The following MYO1F variants were observed in gnomAD, a reference collection of about 807,000 sequenced individuals.
The protein encoded by MYO1F is myosin IF, also known as unconventional myosin-If.
In MYO1F, 60 loss-of-function variants were observed where a neutral mutation model predicts 146.6. The ratio of observed to expected loss-of-function variants is 0.41; its 90% confidence interval spans 0.33 to 0.51. The LOEUF (loss-of-function observed/expected upper bound fraction) is 0.51, where lower values mean the gene tolerates loss of function less well. Among genes scored for constraint, MYO1F ranks in the 20% least tolerant of loss-of-function variants. The pLI, the probability that MYO1F is intolerant of heterozygous loss-of-function variation, is 0.25. For missense variants in MYO1F, 1,274 were observed against 1,534.3 expected, an observed-to-expected ratio of 0.83 and a Z score of 2.83; for synonymous variants, 602 against 602.1, an observed-to-expected ratio of 1.00 and a Z score of 0.00.
rs752338663 is a variant in MYO1F at position 8,536,975 on chromosome 19, C to T, written c.1773G>A (p.Lys591=). The change falls in exon 17 of 28, where the codon AAG becomes AAA. Residue 591 remains lysine, a synonymous_variant. Transcript: ENST00000644032. ...TGTTCTCCTCCCAGTCTCGGGGCCT[C>T]TTGGTCTCGTTGGGTTTGATGCAGC... ...YIRCIKPNET[K]RPRDWEENRV... is the part of the protein sequence containing the mutation. The T allele has an allele frequency of 6.2e-7, 1 of 1,612,952 alleles. No individual in the cohort carries two copies. Among genetic ancestry groups the T allele is most frequent in the Non-Finnish European group, 8.5e-7 (1 of 1,179,702 alleles).
intron 4 of MYO1F, among the ~76,000 whole-genome samples, chr19:8,553,894 A>ACACACTCT: frequency 4.9e-5 from 5 of 102,606 alleles, no homozygotes; most frequent in African/African-American, 1.3e-4. Flanking sequence ...ACACACACAC[A>ACACACTCT]CTCTCTCTCT....
intron 19 of MYO1F, among the ~76,000 whole-genome samples, chr19:8,533,418 G>A (rs958391480): frequency 2.7e-5 from 4 of 149,458 alleles, no homozygotes; most frequent in Non-Finnish European, 4.4e-5. Context: ...GCAGTGGTGC[G>A]ATCTTGGCTC....
intron 14 of MYO1F, among the ~76,000 whole-genome samples, chr19:8,542,905 G>A (rs1791265043): frequency 7.1e-6 from 1 of 141,676 alleles, no homozygotes; most frequent in African/African-American, 2.6e-5. Flanking sequence ...ACCCGGCCCT[G>A]TTTGCTTTTG....
rs1333502945 is a variant in MYO1F at position 8,577,032 on chromosome 19, T to C, written c.3+275A>G. ...TATGTCCTTGTCCCTGCAGACTCTGTGATTCTCCCTGGGCCACCTTCTGTC... is the reference window on the plus strand; with the variant it reads ...TATGTCCTTGTCCCTGCAGACTCTGCGATTCTCCCTGGGCCACCTTCTGTC... On this transcript the variant is annotated intron_variant, in intron 1 of 27. Transcript: ENST00000644032. This position sits in a 1 kb window ranked among gnomAD's most constrained non-coding sequence, Gnocchi z 4.3. 6.7e-6 allele frequency: 4 copies of C among 597,888 alleles called. No homozygotes were observed. The highest frequency in any genetic ancestry group is 1.2e-5 in the Non-Finnish European group (4 of 335,796). 37.0% of individuals were successfully genotyped at this position (597,888 alleles called of 1,614,324 possible).
Position 8,551,499 on chromosome 19 carries a change from A to G in MYO1F, c.771+241T>C, listed in dbSNP as rs10409874. 50,146 of 509,326 alleles carry G rather than the reference A, an allele frequency of 0.098. 6,227 individuals carry two copies. Among genetic ancestry groups the G allele is most frequent in the African/African-American group, 0.42 (21,195 of 51,032 alleles). 31.6% of individuals were successfully genotyped at this position (509,326 alleles called of 1,614,324 possible). On this transcript the variant is annotated intron_variant, in intron 8 of 27. Coordinates refer to ENST00000644032, the MANE Select transcript of MYO1F (RefSeq NM_012335.4). ...CCCCAGTAGCTGGGATTACAGTCAC[A>G]CGCCACCACATCTGGCTAATTTTTG...
chr19:8,552,763 T>A (rs1435715215), intron 6 of MYO1F, among the ~76,000 whole-genome samples: 1 of 152,124 alleles, frequency 6.6e-6, no homozygotes, highest in Non-Finnish European at 1.5e-5. Flanking sequence ...TGTTTACCTA[T>A]CCTGACTTTC....
intron 21 of MYO1F, among the ~76,000 whole-genome samples, chr19:8,529,485 G>A (rs763572912): frequency 1.6e-4 from 25 of 152,134 alleles, no homozygotes; most frequent in Non-Finnish European, 2.9e-4. Context: ...ATGAATGCAC[G>A]GGTCAGGTGA....
chr19:8,564,631 G>A (rs1417155597), intron 1 of MYO1F, among the ~76,000 whole-genome samples: 2 of 151,926 alleles, frequency 1.3e-5, no homozygotes, highest in African/African-American at 4.8e-5. Flanking sequence ...GAGCTCACTG[G>A]AGACTAAGAG....
intron 19 of MYO1F, among the ~76,000 whole-genome samples, chr19:8,532,950 A>AAT (rs1972553056): frequency 2.8e-5 from 4 of 140,464 alleles, no homozygotes; most frequent in African/African-American, 1.1e-4. Context: ...ACACACACAC[A>AAT]ATTGGGCTTT....
intron 6 of MYO1F, 29 bp downstream of exon 6, chr19:8,553,110 C>A (rs1297149137): frequency 6.2e-7 from 1 of 1,604,676 alleles, no homozygotes; most frequent in South Asian, 1.1e-5. Context: ...GAGGGAGCAG[C>A]TGCTCCAAGC....
chr19:8,553,555 A>G, intron 4 of MYO1F, 118 bp from the exon 5 acceptor site: 1 of 799,704 alleles, frequency 1.3e-6, no homozygotes, highest in Non-Finnish European at 2.2e-6. Flanking sequence ...TACTGGGGAT[A>G]CTGTAATGAA....
At chr19:8,544,685 G>A (rs1412684533) in intron 13 of MYO1F, among the ~76,000 whole-genome samples, 1 of 151,998 alleles carries the variant, frequency 6.6e-6, no homozygotes, top group Non-Finnish European at 1.5e-5. Flanking sequence ...GGGCTACTGT[G>A]GAAGCTCGCT....
At chr19:8,552,393 G>A (rs1973652508) in intron 6 of MYO1F, among the ~76,000 whole-genome samples, 1 of 151,972 alleles carries the variant, frequency 6.6e-6, no homozygotes, top group South Asian at 2.1e-4. Flanking sequence ...TGAGTAGCTG[G>A]GACTACAGGC....
intron 24 of MYO1F, 94 bp downstream of exon 24, chr19:8,526,359 C>T: frequency 6.6e-6 from 10 of 1,504,408 alleles, no homozygotes; most frequent in Middle Eastern, 2.2e-4. Context: ...GTCTCTCTCT[C>T]TCTCTCTGTA....
At position 8,545,646 on chromosome 19, in the gene MYO1F, T is replaced by G; in HGVS notation, c.1356+4A>C. ...GCCCCCGCCAAAGTTGACCCAGCCC[T>G]CACCAGCTTGTTTTCGATGAGGTCA... On this transcript the variant is annotated splice_donor_region_variant and intron_variant, in intron 13 of 27. Coordinates refer to ENST00000644032, the MANE Select transcript of MYO1F (RefSeq NM_012335.4). The G allele has an allele frequency of 6.2e-7, 1 of 1,613,444 alleles. No individual in the cohort carries two copies. The highest frequency in any genetic ancestry group is 1.1e-5 in the South Asian group (1 of 91,066).
At chr19:8,543,684 G>C (rs564133769) in intron 14 of MYO1F, among the ~76,000 whole-genome samples, 923 of 52,840 alleles carry the variant, frequency 0.017, 19 homozygotes, top group East Asian at 0.066. Context: ...GCTGGTGGTG[G>C]TGGTGGTGGT....
At chr19:8,573,297 C>T (rs1297133269) in intron 1 of MYO1F, among the ~76,000 whole-genome samples, 3 of 151,682 alleles carry the variant, frequency 2.0e-5, no homozygotes, top group Non-Finnish European at 4.4e-5. Context: ...GGTGACAGAG[C>T]GAGACTCTGT....
chr19:8,560,654 A>G (rs534295605), intron 1 of MYO1F, among the ~76,000 whole-genome samples: 181 of 151,982 alleles, frequency 1.2e-3, no homozygotes, highest in African/African-American at 4.2e-3. Context: ...GGCTCACTGC[A>G]GCCTTGACCT....
intron 1 of MYO1F, among the ~76,000 whole-genome samples, chr19:8,563,230 T>A (rs1441216118): frequency 6.6e-6 from 1 of 150,890 alleles, no homozygotes; most frequent in South Asian, 2.1e-4. Flanking sequence ...TGACCTCAGG[T>A]GATCCACCCG....
Sources: gnomAD v4.1 joint callset for allele counts (sites outside exome capture counted in the v4.1 genomes callset) on GRCh38, gnomAD v4.1.1 for gene constraint, Gnocchi (gnomAD v3.1) non-coding constraint, MANE v1.5 for transcripts, NCBI Gene and HGNC (gene_info 2026-07-23, HGNC 2026-07-21) for gene names.